Variants in PPP1R12B observed in about 807,000 individuals in gnomAD.
PPP1R12B encodes the protein protein phosphatase 1 regulatory subunit 12B.
Under a neutral mutation model 126.1 loss-of-function variants are expected in PPP1R12B, and 76 were observed. The observed-to-expected ratio is 0.60, with a 90% CI of 0.50 to 0.73. The LOEUF (loss-of-function observed/expected upper bound fraction) is 0.73, where lower values mean the gene tolerates loss of function less well. PPP1R12B is among the 30% of genes least tolerant of loss of function. PPP1R12B has a pLI of 0.00. For missense variants in PPP1R12B, 1,052 were observed against 1,205.1 expected, an observed-to-expected ratio of 0.87 and a Z score of 1.88; for synonymous variants, 356 against 434.7, an observed-to-expected ratio of 0.82 and a Z score of 2.25.
intron 18 of PPP1R12B, among the ~76,000 whole-genome samples, chr1:202,543,978 G>T (rs2148968056): frequency 6.6e-6 from 1 of 152,230 alleles, no homozygotes; most frequent in East Asian, 1.9e-4. Flanking sequence ...TCTAAAAGTT[G>T]AGAAGTTCCC....
intron 18 of PPP1R12B, among the ~76,000 whole-genome samples, chr1:202,507,677 A>G (rs907472088): frequency 6.6e-6 from 1 of 152,234 alleles, no homozygotes; most frequent in African/African-American, 2.4e-5. Context: ...CATCATTACT[A>G]TGATGACAAT....
intron 8 of PPP1R12B, among the ~76,000 whole-genome samples, chr1:202,433,855 C>T (rs1670489846): frequency 6.6e-6 from 1 of 152,214 alleles, no homozygotes; most frequent in South Asian, 2.1e-4. Context: ...CTGTAGCACT[C>T]ATCATTTTGG....
intron 1 of PPP1R12B, among the ~76,000 whole-genome samples, chr1:202,366,171 C>T (rs976945331): frequency 5.3e-5 from 8 of 152,108 alleles, no homozygotes; most frequent in Non-Finnish European, 8.8e-5. Context: ...ACACAGAAGA[C>T]GACATTTGTG....
At chr1:202,559,123 C>T (rs1687265558) in intron 19 of PPP1R12B, among the ~76,000 whole-genome samples, 1 of 152,144 alleles carries the variant, frequency 6.6e-6, no homozygotes, top group African/African-American at 2.4e-5. Flanking sequence ...TCCAGTTCAC[C>T]TTGTAGACTT....
rs58592681 is a variant in PPP1R12B, at chr1:202,571,763, A to AT, written c.2862+2576dup. On this transcript the variant is annotated intron_variant, in intron 23 of 23. Coordinates refer to ENST00000608999, the MANE Select transcript of PPP1R12B (RefSeq NM_002481.4). Reference sequence around the variant, plus strand: ...GAGCCATCGCGTCTGGCCAGGACTGATTTTTTTTTTAGTTAAAACATTCAG... The same window carrying AT: ...GAGCCATCGCGTCTGGCCAGGACTGATTTTTTTTTTTAGTTAAAACATTCAG... Among the ~76,000 whole-genome samples, 1,044 of 149,986 alleles carry AT rather than the reference A, an allele frequency of 7.0e-3. 9 individuals are homozygous for AT. The highest frequency in any genetic ancestry group is 0.024 in the African/African-American group (968 of 41,026).
At position 202,417,212 on chromosome 1, in the gene PPP1R12B, A is replaced by G. The variant is rs575948104; in HGVS notation, c.422+295A>G. ...ACTGTCTGGGTTCACTTTCTGAACA[A>G]CTGTAGCTGGGCACGTATACAGGCA... is the stretch of plus-strand genomic sequence containing the variant. On this transcript the variant is annotated intron_variant, in intron 2 of 23. Coordinates refer to ENST00000608999, the MANE Select transcript of PPP1R12B (RefSeq NM_002481.4). 4.1e-6 allele frequency: 4 copies of G among 984,230 alleles called. No homozygotes were observed. The East Asian group carries it at 4.5e-4, about 112-fold the overall frequency. 61.0% of individuals were successfully genotyped at this position (984,230 alleles called of 1,614,324 possible).
At chr1:202,403,607 C>T (rs1366878389) in intron 1 of PPP1R12B, among the ~76,000 whole-genome samples, 2 of 152,356 alleles carry the variant, frequency 1.3e-5, no homozygotes, top group Middle Eastern at 6.8e-3. Context: ...GGGCAGGGAA[C>T]AGCTGTGAGG....
intron 1 of PPP1R12B, among the ~76,000 whole-genome samples, chr1:202,368,349 C>T (rs1023450193): frequency 2.6e-5 from 4 of 152,144 alleles, no homozygotes; most frequent in South Asian, 4.1e-4. Context: ...GTGCTTGCTC[C>T]GCTTCGCCCT....
At chr1:202,457,327 A>G (rs1420524817) in intron 13 of PPP1R12B, among the ~76,000 whole-genome samples, 1 of 152,142 alleles carries the variant, frequency 6.6e-6, no homozygotes, top group Non-Finnish European at 1.5e-5. Context: ...AGGCGGGTGG[A>G]CTGCTTGAGG....
At chr1:202,552,402 T>C (rs1686417601) in intron 18 of PPP1R12B, among the ~76,000 whole-genome samples, 1 of 152,242 alleles carries the variant, frequency 6.6e-6, no homozygotes, top group Non-Finnish European at 1.5e-5. Context: ...TGGAAAACTT[T>C]TGTCTCTCTT....
intron 18 of PPP1R12B, among the ~76,000 whole-genome samples, chr1:202,509,007 G>A (rs1428564567): frequency 6.6e-6 from 1 of 152,228 alleles, no homozygotes; most frequent in African/African-American, 2.4e-5. Flanking sequence ...TAACTAAATG[G>A]GAGTGACTAT....
At chr1:202,462,671 C>T in intron 13 of PPP1R12B, 1 of 721,922 alleles carries the variant, frequency 1.4e-6, no homozygotes. Flanking sequence ...GTAGGAGGGA[C>T]CAAAATTTTC....
intron 9 of PPP1R12B, among the ~76,000 whole-genome samples, chr1:202,436,268 AAACAAC>A (rs374800665): frequency 3.0e-4 from 45 of 151,468 alleles, no homozygotes; most frequent in African/African-American, 8.3e-4. Context: ...CGTGTCTCAA[AAACAAC>A]AACAACAACA....
At chr1:202,563,610 T>G (rs1687741945) in intron 20 of PPP1R12B, among the ~76,000 whole-genome samples, 1 of 138,944 alleles carries the variant, frequency 7.2e-6, no homozygotes, top group African/African-American at 2.7e-5. Flanking sequence ...ATCAACTAAA[T>G]ACTACTTGGT....
intron 19 of PPP1R12B, among the ~76,000 whole-genome samples, chr1:202,562,116 C>T (rs1365747467): frequency 6.6e-6 from 1 of 152,132 alleles, no homozygotes; most frequent in African/African-American, 2.4e-5. Flanking sequence ...AATGAACTTA[C>T]CAATACTGGA....
chr1:202,523,170 C>T (rs1456794118), intron 18 of PPP1R12B, among the ~76,000 whole-genome samples: 2 of 152,164 alleles, frequency 1.3e-5, no homozygotes, highest in South Asian at 4.1e-4. Context: ...AGATATTGTT[C>T]GAGGTTCTTG....
intron 13 of PPP1R12B, among the ~76,000 whole-genome samples, chr1:202,465,244 G>A (rs1166616591): frequency 6.6e-6 from 1 of 152,170 alleles, no homozygotes; most frequent in Non-Finnish European, 1.5e-5. Context: ...TGGACTTTGA[G>A]GCCCATGCTT....
chr1:202,537,046 A>G (rs1405589494), intron 18 of PPP1R12B, among the ~76,000 whole-genome samples: 1 of 152,234 alleles, frequency 6.6e-6, no homozygotes, highest in African/African-American at 2.4e-5. Flanking sequence ...TTTAAAATAT[A>G]GTATGGTAAA....
chr1:202,426,289 A>G (rs1669496147), intron 4 of PPP1R12B, among the ~76,000 whole-genome samples: 1 of 152,148 alleles, frequency 6.6e-6, no homozygotes, highest in African/African-American at 2.4e-5. Context: ...TTATATGTGC[A>G]GTTGTTAACT....
Sources: gnomAD v4.1 joint callset for allele counts (sites outside exome capture counted in the v4.1 genomes callset) on GRCh38, gnomAD v4.1.1 for gene constraint, MANE v1.5 for transcripts, NCBI Gene and HGNC (gene_info 2026-07-23, HGNC 2026-07-21) for gene names.